The following RBFOX3 variants were observed in gnomAD, a reference collection of about 807,000 sequenced individuals.
The protein encoded by RBFOX3 is RNA binding fox-1 homolog 3.
Under a neutral mutation model 48.7 loss-of-function variants are expected in RBFOX3, and 17 were observed. That is an observed-to-expected ratio of 0.35 (90% CI 0.24 to 0.52). The LOEUF is 0.52. Ranked by LOEUF, RBFOX3 falls within the 20% of genes least tolerant of loss-of-function variation. The probability of loss-of-function intolerance (pLI) is 0.94; values close to 1 mark genes in which losing one functional copy is unlikely to be tolerated. For synonymous variants in RBFOX3, 212 were observed against 209.5 expected (o/e 1.01, Z -0.10); for missense variants, 382 against 497.5 (o/e 0.77, Z 2.21).
intron 4 of RBFOX3, among the ~76,000 whole-genome samples, chr17:79,145,451 A>G (rs1446787806): frequency 6.6e-6 from 1 of 152,208 alleles, no homozygotes; most frequent in Non-Finnish European, 1.5e-5. Context: ...GTCTGGCCAC[A>G]GGGACTTTAA....
At chr17:79,635,092 A>C in the RBFOX3 span, among the ~76,000 whole-genome samples, 1 of 89,426 alleles carries the variant, frequency 1.1e-5, no homozygotes, top group African/African-American at 3.9e-5. Context: ...AAAAAAAAAA[A>C]AAAAAAAAAC....
At chr17:79,247,310 ATTTTT>A (rs57539628) in intron 3 of RBFOX3, among the ~76,000 whole-genome samples, 1 of 116,570 alleles carries the variant, frequency 8.6e-6, no homozygotes, top group Non-Finnish European at 1.7e-5. Context: ...ACATAATCGT[ATTTTT>A]TTTTTTTTTT....
At position 79,465,265 on chromosome 17, in the gene RBFOX3, C is replaced by T. The variant is rs372090264; in HGVS notation, c.-175+17189G>A. On this transcript the variant is annotated intron_variant, in intron 2 of 14. Coordinates refer to ENST00000693108, the MANE Select transcript of RBFOX3 (RefSeq NM_001350451.2). ...CCCTTTGTTCAGGCCACATAGAAAC[C>T]AGAGCTGCTCGTCAGAGAAAAGCTC... Among the ~76,000 whole-genome samples, 5 of 152,314 alleles carry T rather than the reference C, an allele frequency of 3.3e-5. No homozygotes were observed. In the East Asian group the frequency reaches 7.7e-4, roughly 24 times the overall value.
rs1027412892 is a variant in RBFOX3 at position 79,522,333 on chromosome 17, G to A, written c.-319-39735C>T. On this transcript the variant is annotated intron_variant, in intron 1 of 14. Coordinates refer to ENST00000693108, the MANE Select transcript of RBFOX3 (RefSeq NM_001350451.2). ...TGAGCCTTAAGTCCACCAGTCTCTA[G>A]AGATTCTCTCCCTCCTCAAAAACCA... is the stretch of plus-strand genomic sequence containing the variant. Among the ~76,000 whole-genome samples the A allele has an allele frequency of 5.9e-5, 9 of 151,980 alleles. No homozygotes were observed. In the South Asian group the frequency reaches 1.7e-3, roughly 28 times the overall value.
intron 2 of RBFOX3, among the ~76,000 whole-genome samples, chr17:79,343,041 A>C (rs1335872011): frequency 6.6e-6 from 1 of 152,092 alleles, no homozygotes; most frequent in Non-Finnish European, 1.5e-5. Context: ...AAGAGTGTTG[A>C]GTTTTTCTTT....
chr17:79,154,664 C>A (rs963635860), intron 4 of RBFOX3, among the ~76,000 whole-genome samples: 5 of 152,218 alleles, frequency 3.3e-5, no homozygotes, highest in African/African-American at 1.2e-4. Context: ...CCGGTCCCCA[C>A]GTGGCCGGGA....
chr17:79,543,227 C>A (rs568604129), intron 1 of RBFOX3, among the ~76,000 whole-genome samples: 1 of 152,156 alleles, frequency 6.6e-6, no homozygotes, highest in South Asian at 2.1e-4. Flanking sequence ...ACCTCCTCCA[C>A]GCCTTACTGA....
chr17:79,472,240 G>T (rs559428747), intron 2 of RBFOX3, among the ~76,000 whole-genome samples: 1 of 152,334 alleles, frequency 6.6e-6, no homozygotes, highest in East Asian at 1.9e-4. Flanking sequence ...CGTACTAGCT[G>T]GTGGCAGAGG....
chr17:79,509,249 A>G (rs1362015979), intron 1 of RBFOX3, among the ~76,000 whole-genome samples: 1 of 152,128 alleles, frequency 6.6e-6, no homozygotes, highest in Non-Finnish European at 1.5e-5. Context: ...GGTCGATAGG[A>G]GCGCCAGAGC....
chr17:79,549,949 A>T (rs189435630), intron 1 of RBFOX3, among the ~76,000 whole-genome samples: 227 of 152,334 alleles, frequency 1.5e-3, no homozygotes, highest in African/African-American at 5.2e-3. Flanking sequence ...ACCAAAAAAA[A>T]ACGTGGACAG....
chr17:79,348,771 G>A (rs2083350930), intron 2 of RBFOX3, among the ~76,000 whole-genome samples: 1 of 151,358 alleles, frequency 6.6e-6, no homozygotes, highest in Admixed American at 6.6e-5. Context: ...GTAGGGACGG[G>A]GTTTCACCAT....
rs1489682381 is a variant in RBFOX3, at chr17:79,243,786, G to C, written c.-73-7981C>G. ...AACAGAAGCCCAGAGAAGGAATTTT[G>C]CCAAGGTTGACACAGCTTCCAAAGG... On this transcript the variant is annotated intron_variant, in intron 3 of 14. Coordinates refer to ENST00000693108, the MANE Select transcript of RBFOX3 (RefSeq NM_001350451.2). The surrounding 1 kb of genome is among the most constrained non-coding windows in gnomAD (Gnocchi z 7.9). Among the ~76,000 whole-genome samples the C allele has an allele frequency of 1.3e-5, 2 of 152,110 alleles. No individual in the cohort carries two copies. Among genetic ancestry groups the C allele is most frequent in the Non-Finnish European group, 2.9e-5 (2 of 68,022 alleles).
chr17:79,631,425 T>C, the RBFOX3 span, among the ~76,000 whole-genome samples: 2 of 152,072 alleles, frequency 1.3e-5, no homozygotes, highest in Non-Finnish European at 2.9e-5. Context: ...GACCCAGATG[T>C]GAATTTACAA....
chr17:79,101,553 A>G (rs2076436833), intron 9 of RBFOX3, 31 bp downstream of exon 9: 1 of 1,541,006 alleles, frequency 6.5e-7, no homozygotes, highest in Non-Finnish European at 8.8e-7. Flanking sequence ...CAGTGACCCC[A>G]GCAGCCTTGT....
At position 79,199,541 on chromosome 17, in the gene RBFOX3, C is replaced by A. The variant is rs974893528; in HGVS notation, c.-34+36225G>T. ...GTCACTGACTTAGGGCTGCCAGTGA[C>A]CTCTGTGGTGGGAACAGGTGACCTA... is the stretch of plus-strand genomic sequence containing the variant. On this transcript the variant is annotated intron_variant, in intron 4 of 14. Transcript: ENST00000693108. This position sits in a 1 kb window ranked among gnomAD's most constrained non-coding sequence, Gnocchi z 5.1. Among the ~76,000 whole-genome samples, 1 of 152,314 alleles carries A rather than the reference C, an allele frequency of 6.6e-6. No homozygotes were observed. Among genetic ancestry groups the A allele is most frequent in the South Asian group, 2.1e-4 (1 of 4,828 alleles).
At chr17:79,280,004 C>T (rs1395725799) in intron 3 of RBFOX3, among the ~76,000 whole-genome samples, 1 of 151,868 alleles carries the variant, frequency 6.6e-6, no homozygotes, top group Admixed American at 6.6e-5. Flanking sequence ...AATGGGTAGT[C>T]CAGAGGAAAA....
At chr17:79,190,651 G>C (rs2612770) in intron 4 of RBFOX3, among the ~76,000 whole-genome samples, 151,955 of 152,284 alleles carry the variant, frequency 1, 75,814 homozygotes, top group Middle Eastern at 1. Context: ...ATCACCCTGA[G>C]TGCCAAGAAA....
intron 1 of RBFOX3, among the ~76,000 whole-genome samples, chr17:79,596,398 CA>C (rs1568442664): frequency 6.6e-6 from 1 of 152,186 alleles, no homozygotes; most frequent in Non-Finnish European, 1.5e-5. Flanking sequence ...CTCTGATCAG[CA>C]GGCAGAGAGT....
intron 4 of RBFOX3, among the ~76,000 whole-genome samples, chr17:79,191,602 G>A (rs1005379171): frequency 6.6e-6 from 1 of 152,248 alleles, no homozygotes; most frequent in Admixed American, 6.5e-5. Flanking sequence ...GTGCCAAGCT[G>A]CAGACAGGGG....
Sources: gnomAD v4.1 joint callset for allele counts (sites outside exome capture counted in the v4.1 genomes callset) on GRCh38, gnomAD v4.1.1 for gene constraint, Gnocchi (gnomAD v3.1) non-coding constraint, MANE v1.5 for transcripts, NCBI Gene and HGNC (gene_info 2026-07-23, HGNC 2026-07-21) for gene names.